The following STAT5B variants were observed in gnomAD, a reference collection of about 807,000 sequenced individuals.
STAT5B encodes the protein transcription factor STAT5B.
STAT5B carries 21 observed loss-of-function variants against 107.8 expected under a neutral mutation model. That is an observed-to-expected ratio of 0.19 (90% CI 0.14 to 0.28). The LOEUF (loss-of-function observed/expected upper bound fraction) is 0.28, where lower values mean the gene tolerates loss of function less well. Among genes scored for constraint, STAT5B ranks in the 10% least tolerant of loss-of-function variants. The probability of loss-of-function intolerance (pLI) is 1.00; values close to 1 mark genes in which losing one functional copy is unlikely to be tolerated. For missense variants in STAT5B, 565 were observed against 1,008.2 expected (o/e 0.56, Z 5.95); for synonymous variants, 325 against 401.7 (o/e 0.81, Z 2.28).
chr17:42,202,261 A>G (rs1012758549), intron 18 of STAT5B, 79 bp downstream of exon 18: 17 of 1,547,190 alleles, frequency 1.1e-5, no homozygotes, highest in Middle Eastern at 3.4e-4. Flanking sequence ...GATTCCTTTG[A>G]CCCCAGCCCT....
chr17:42,227,734 T>C (rs771918403), intron 2 of STAT5B, 49 bp from the exon 3 acceptor site: 1 of 1,594,912 alleles, frequency 6.3e-7, no homozygotes, highest in South Asian at 1.1e-5. Context: ...CACGTGAGCC[T>C]GTATAAATAC....
chr17:42,261,187 CAT>C lies in STAT5B; in HGVS notation c.-11+15059_-11+15060del, dbSNP rs910048075. ...CCTCCCAAAGTGTTAGGATTACAGG[CAT>C]AATCCACCATGTATGGCCAGAAAAC... On this transcript the variant is annotated intron_variant, in intron 1 of 18. Coordinates refer to ENST00000293328, the MANE Select transcript of STAT5B (RefSeq NM_012448.4). Among the ~76,000 whole-genome samples the C allele has an allele frequency of 6.6e-5, 10 of 152,114 alleles. 1 individual carries two copies. The highest frequency in any genetic ancestry group is 5.9e-4 in the Admixed American group (9 of 15,254).
chr17:42,251,566 C>T (rs1308615520), intron 1 of STAT5B, among the ~76,000 whole-genome samples: 2 of 152,060 alleles, frequency 1.3e-5, no homozygotes, highest in African/African-American at 4.8e-5. Context: ...ACAAAGGATA[C>T]TGAAGTTAGC....
At chr17:42,253,008 A>G (rs1036042662) in intron 1 of STAT5B, among the ~76,000 whole-genome samples, 4 of 152,240 alleles carry the variant, frequency 2.6e-5, no homozygotes, top group Non-Finnish European at 5.9e-5. Flanking sequence ...AAGATTTATG[A>G]TTGTGCCAAA....
intron 1 of STAT5B, among the ~76,000 whole-genome samples, chr17:42,273,670 C>G (rs1487479489): frequency 1.3e-5 from 2 of 152,178 alleles, no homozygotes; most frequent in Non-Finnish European, 1.5e-5. Context: ...CCACCTGTAA[C>G]CTGCATCTAA....
At chr17:42,201,931 A>T (rs749025578) in intron 18 of STAT5B, 67 bp from the exon 19 acceptor site, 21 of 1,513,856 alleles carry the variant, frequency 1.4e-5, no homozygotes, top group Non-Finnish European at 1.9e-5. Flanking sequence ...CAAGCCCCAC[A>T]GGCCACCAGG....
the STAT5B span, among the ~76,000 whole-genome samples, chr17:42,287,016 T>C: frequency 2.0e-5 from 3 of 152,098 alleles, no homozygotes; most frequent in South Asian, 6.2e-4. Context: ...GGAGAGGGAC[T>C]ATACTTCCTC....
At chr17:42,235,477 T>C (rs2080349212) in intron 1 of STAT5B, 1 of 152,044 alleles carries the variant, frequency 6.6e-6, no homozygotes, top group Non-Finnish European at 1.5e-5. Context: ...ATTTAAATAA[T>C]CAATTACAAT....
chr17:42,207,166 C>T lies in STAT5B; in HGVS notation c.2077+392G>A, dbSNP rs546390091. Among the ~76,000 whole-genome samples the T allele has an allele frequency of 3.3e-5, 5 of 152,262 alleles. No individual in the cohort carries two copies. The South Asian group carries it at 1.0e-3, about 32-fold the overall frequency. ...GGGATTACAGGCATGACCCACCGTA[C>T]CCAGCCTGTTTTCTTTTTTATGCCT... On this transcript the variant is annotated intron_variant, in intron 16 of 18. Coordinates refer to ENST00000293328, the MANE Select transcript of STAT5B (RefSeq NM_012448.4).
At chr17:42,281,633 C>T (rs1288138199), upstream of STAT5B, among the ~76,000 whole-genome samples, 1 of 152,080 alleles carries the variant, frequency 6.6e-6, no homozygotes, top group Non-Finnish European at 1.5e-5. Context: ...AGGACGGGAG[C>T]GATGGATGTG....
intron 1 of STAT5B, among the ~76,000 whole-genome samples, chr17:42,249,004 TG>T (rs1241981313): frequency 1.3e-5 from 2 of 152,126 alleles, no homozygotes; most frequent in African/African-American, 4.8e-5. Flanking sequence ...TTCAACGTGG[TG>T]GAAGTGTTAG....
intron 7 of STAT5B, 91 bp downstream of exon 7, chr17:42,219,221 G>C: frequency 2.0e-6 from 3 of 1,477,864 alleles, no homozygotes; most frequent in Non-Finnish European, 2.7e-6. Context: ...GATGGAGGGG[G>C]CCTGCTGCAG....
chr17:42,227,554 A>G lies in STAT5B; in HGVS notation c.260T>C (p.Leu87Pro). ...CTGGAGCTGTGTGGCATAGTGCCCC[A>G]GCTTGATCTTCAGTAAAAACCCATC... Reference protein sequence around the residue: ...GEDGFLLKIKLGHYATQLQNT... With the variant: ...GEDGFLLKIKPGHYATQLQNT... Residue 87 changes from leucine (L) to proline (P), a missense_variant, in exon 3 of 19, where the codon CTG (leucine) becomes CCG (proline). Physicochemically the swap from Leu to Pro is moderately conservative, Grantham distance 98. Coordinates refer to ENST00000293328, the MANE Select transcript of STAT5B (RefSeq NM_012448.4). The G allele has an allele frequency of 6.2e-7, 1 of 1,613,464 alleles. No homozygotes were observed. Among genetic ancestry groups the G allele is most frequent in the Non-Finnish European group, 8.5e-7 (1 of 1,179,850 alleles).
intron 1 of STAT5B, among the ~76,000 whole-genome samples, chr17:42,238,346 T>TA (rs2080373686): frequency 6.6e-6 from 1 of 151,128 alleles, no homozygotes; most frequent in African/African-American, 2.4e-5. Flanking sequence ...GACAAGGTCT[T>TA]ACTATGTTGC....
chr17:42,230,243 T>G (rs948706906), intron 2 of STAT5B, among the ~76,000 whole-genome samples: 27 of 152,198 alleles, frequency 1.8e-4, no homozygotes, highest in African/African-American at 6.0e-4. Flanking sequence ...AATTTGCTAC[T>G]AACACGCATT....
At chr17:42,223,648 G>T in intron 4 of STAT5B, 92 bp from the exon 5 acceptor site, 1 of 1,503,680 alleles carries the variant, frequency 6.7e-7, no homozygotes, top group Non-Finnish European at 9.1e-7. Context: ...TACAACCAGG[G>T]TAAGACCCCA....
At chr17:42,287,314 A>G in the STAT5B span, among the ~76,000 whole-genome samples, 1 of 147,920 alleles carries the variant, frequency 6.8e-6, no homozygotes, top group African/African-American at 2.6e-5. Flanking sequence ...CTGGGGAGGG[A>G]GGCAGATGAG....
At chr17:42,222,680 AT>A (rs112956748) in intron 5 of STAT5B, among the ~76,000 whole-genome samples, 4,223 of 138,890 alleles carry the variant, frequency 0.03, 130 homozygotes, top group African/African-American at 0.086. Context: ...CCAGCTTAGA[AT>A]TTTTTTTTTT....
chr17:42,250,923 C>CAAAAAAAAAAA (rs562263374), intron 1 of STAT5B, among the ~76,000 whole-genome samples: 1 of 59,148 alleles, frequency 1.7e-5, no homozygotes. Flanking sequence ...AACTCTGTCT[C>CAAAAAAAAAAA]AAAAAAAAAA....
Sources: allele counts gnomAD v4.1 joint callset (sites outside exome capture counted in the v4.1 genomes callset), GRCh38; gene constraint gnomAD v4.1.1; transcripts MANE v1.5; gene names NCBI Gene and HGNC (gene_info 2026-07-23, HGNC 2026-07-21).